The following GCC2 variants were observed in gnomAD, a reference collection of about 807,000 sequenced individuals.
The protein encoded by GCC2 is GRIP and coiled-coil domain-containing protein 2.
Under a neutral mutation model 210.6 loss-of-function variants are expected in GCC2, and 120 were observed. The ratio of observed to expected loss-of-function variants is 0.57; its 90% CI spans 0.49 to 0.66. The LOEUF is 0.66. GCC2 is among the 30% of genes least tolerant of loss of function. The pLI is 0.00. For missense variants in GCC2, 1,868 were observed against 1,871.9 expected, an observed-to-expected ratio of 1.00 and a Z score of 0.04; for synonymous variants, 703 against 652.7, an observed-to-expected ratio of 1.08 and a Z score of -1.17.
At chr2:108,454,221 A>ACCTCGTGATCCACCTG (rs1680118498) in intron 4 of GCC2, among the ~76,000 whole-genome samples, 1 of 151,898 alleles carries the variant, frequency 6.6e-6, no homozygotes, top group Non-Finnish European at 1.5e-5. Flanking sequence ...CGATCTCCTG[A>ACCTCGTGATCCACCTG]CCTCGTGATC....
intron 4 of GCC2, among the ~76,000 whole-genome samples, chr2:108,458,687 C>T (rs912488480): frequency 3.3e-5 from 5 of 151,972 alleles, no homozygotes; most frequent in Non-Finnish European, 7.4e-5. Flanking sequence ...TCCATTTCCT[C>T]TAGGTTTTCC....
At chr2:108,498,183 C>CTTTTTTTTTTTTTTTTTT (rs3084885) in intron 21 of GCC2, among the ~76,000 whole-genome samples, 3 of 57,478 alleles carry the variant, frequency 5.2e-5, no homozygotes, top group African/African-American at 7.3e-5. Flanking sequence ...GTTATATTTT[C>CTTTTTTTTTTTTTTTTTT]TTTTTTTTTT....
intron 4 of GCC2, among the ~76,000 whole-genome samples, chr2:108,466,257 A>G (rs536762721): frequency 6.6e-6 from 1 of 152,068 alleles, no homozygotes; most frequent in Admixed American, 6.6e-5. Flanking sequence ...GGGCCAACAC[A>G]GTCTTGATCT....
chr2:108,506,040 A>G (rs1042430918), intron 22 of GCC2, among the ~76,000 whole-genome samples: 2 of 152,168 alleles, frequency 1.3e-5, no homozygotes, highest in Non-Finnish European at 2.9e-5. Flanking sequence ...AGGAATGAAA[A>G]CCAGTATTCA....
At chr2:108,486,970 A>G (rs1252677343) in intron 16 of GCC2, among the ~76,000 whole-genome samples, 25 of 152,218 alleles carry the variant, frequency 1.6e-4, no homozygotes, top group Admixed American at 1.6e-3. Context: ...TTATAAAATA[A>G]CATTTTAATA....
intron 4 of GCC2, 120 bp from the exon 5 acceptor site, chr2:108,468,860 C>G: frequency 1.5e-6 from 1 of 667,180 alleles, no homozygotes; most frequent in Non-Finnish European, 2.7e-6. Flanking sequence ...GCAATGTGTT[C>G]TACCTTTTAA....
chr2:108,458,894 T>C (rs1308592549), intron 4 of GCC2, among the ~76,000 whole-genome samples: 4 of 152,194 alleles, frequency 2.6e-5, no homozygotes, highest in Non-Finnish European at 5.9e-5. Flanking sequence ...CCTCTGCCTT[T>C]TTTAAAAGTC....
chr2:108,485,274 A>G (rs1682076230), intron 13 of GCC2, among the ~76,000 whole-genome samples: 1 of 151,870 alleles, frequency 6.6e-6, no homozygotes, highest in Non-Finnish European at 1.5e-5. Context: ...ATACATATGT[A>G]ACTAACCTGC....
Position 108,508,689 on chromosome 2 carries a change from C to A in GCC2, c.*1059C>A, listed in dbSNP as rs1381476416. 1 of 152,408 alleles carries A rather than the reference C, an allele frequency of 6.6e-6. No homozygotes were observed. The highest frequency in any genetic ancestry group is 6.6e-5 in the Admixed American group (1 of 15,216). 9.4% of individuals were successfully genotyped at this position (152,408 alleles called of 1,614,324 possible). ...TTTCCATCAGAAGGGATTTTAGACA[C>A]CTTAGAGGTCCGTGCTACATCGTCA... On this transcript the variant is annotated 3_prime_UTR_variant, in exon 23 of 23. Transcript: ENST00000309863.
intron 4 of GCC2, among the ~76,000 whole-genome samples, chr2:108,463,477 GT>G (rs1342884008): frequency 1.3e-5 from 2 of 152,214 alleles, no homozygotes; most frequent in Non-Finnish European, 2.9e-5. Context: ...AACAGCATCA[GT>G]GGTGTCTGTG....
intron 4 of GCC2, among the ~76,000 whole-genome samples, chr2:108,462,273 A>ACT (rs1680632255): frequency 6.8e-6 from 1 of 147,596 alleles, no homozygotes. Flanking sequence ...CGGGCAGATC[A>ACT]TGAGGTCAGG....
Position 108,503,461 on chromosome 2 carries a change from CAAGA to C in GCC2, c.4984+3716_4984+3719del, listed in dbSNP as rs1484889516. Among the ~76,000 whole-genome samples, 3 of 152,258 alleles carry C rather than the reference CAAGA, an allele frequency of 2.0e-5. No individual in the cohort carries two copies. In the East Asian group the frequency reaches 5.8e-4, roughly 29 times the overall value. The stretch of plus-strand genomic sequence containing the variant: ...TTTCCTAGGTAAAAGGTCTAAGATG[CAAGA>C]AAGAAAGACATGCAAAGGAAACTTA... On this transcript the variant is annotated intron_variant, in intron 22 of 22. Coordinates refer to ENST00000309863, the MANE Select transcript of GCC2 (RefSeq NM_181453.4).
chr2:108,505,643 A>G (rs142099424), intron 22 of GCC2, among the ~76,000 whole-genome samples: 3,933 of 152,076 alleles, frequency 0.026, 153 homozygotes, highest in African/African-American at 0.087. Context: ...TTGAGGAACT[A>G]AATTCTTCCA....
intron 22 of GCC2, among the ~76,000 whole-genome samples, chr2:108,501,129 G>T (rs542722908): frequency 7.8e-4 from 119 of 151,830 alleles, no homozygotes; most frequent in Middle Eastern, 6.8e-3. Context: ...CCCAGCAGCT[G>T]GGACTACAGA....
chr2:108,474,207 A>G (rs928228241), intron 7 of GCC2, among the ~76,000 whole-genome samples: 1 of 152,192 alleles, frequency 6.6e-6, no homozygotes, highest in African/African-American at 2.4e-5. Flanking sequence ...AAGGGAGTAT[A>G]GCCAAAAGAT....
chr2:108,472,182 A>G (rs1323448086), intron 6 of GCC2, 66 bp downstream of exon 6: 5 of 1,142,512 alleles, frequency 4.4e-6, no homozygotes, highest in Admixed American at 5.6e-5. Flanking sequence ...TATATACGTT[A>G]AACATTTTTA....
chr2:108,497,008 T>C lies in GCC2; in HGVS notation c.4681T>C (p.Leu1561=). The C allele has an allele frequency of 6.2e-7, 1 of 1,612,040 alleles. No individual in the cohort carries two copies. The highest frequency in any genetic ancestry group is 8.5e-7 in the Non-Finnish European group (1 of 1,179,868). ...LWHAEFTKEE[L]VQKLSSTTKS... The stretch of plus-strand genomic sequence containing the variant: ...GCATGCTGAATTTACCAAAGAAGAA[T>C]TGGTTCAGAAGCTCAGTTCCACCAC... Residue 1561 remains leucine, a synonymous_variant, in exon 21 of 23, where the codon TTG becomes CTG. Transcript: ENST00000309863.
intron 22 of GCC2, among the ~76,000 whole-genome samples, chr2:108,506,507 T>G (rs1479887684): frequency 6.6e-6 from 1 of 152,164 alleles, no homozygotes; most frequent in Non-Finnish European, 1.5e-5. Flanking sequence ...GTGCCAGGCC[T>G]TGGTCGGTGG....
In GCC2 at chr2:108,471,117, A is replaced by G; in HGVS notation, c.1788A>G (p.Lys596=). ...EGKINSLTEE[K]DDFINKLKNS... is the part of the protein sequence containing the mutation. ...AGATAAATTCTCTTACTGAGGAAAA[A>G]GATGATTTTATAAATAAACTGAAAA... The change falls in exon 6 of 23, where the codon AAA becomes AAG. Residue 596 remains lysine (K), a synonymous_variant. Coordinates refer to ENST00000309863, the MANE Select transcript of GCC2 (RefSeq NM_181453.4). The G allele has an allele frequency of 3.2e-6, 5 of 1,586,748 alleles. No individual in the cohort carries two copies. Among genetic ancestry groups the G allele is most frequent in the Non-Finnish European group, 4.3e-6 (5 of 1,159,230 alleles).
Sources: gnomAD v4.1 joint callset for allele counts (sites outside exome capture counted in the v4.1 genomes callset) on GRCh38, gnomAD v4.1.1 for gene constraint, MANE v1.5 for transcripts, NCBI Gene and HGNC (gene_info 2026-07-23, HGNC 2026-07-21) for gene names.